Variants in MMP26 observed in about 807,000 individuals in gnomAD.
MMP26 encodes the protein matrix metallopeptidase 26, also known as matrix metalloproteinase-26.
A neutral mutation model predicts 31.0 loss-of-function variants in MMP26; 33 were observed. The ratio of observed to expected loss-of-function variants is 1.06; its 90% CI spans 0.81 to 1.42. The LOEUF is 1.42. MMP26 is among the 40% of genes most tolerant of loss of function. MMP26 has a pLI of 0.00. For synonymous variants in MMP26, 122 were observed against 114.9 expected (o/e 1.06, Z -0.40); for missense variants, 347 against 316.1 (o/e 1.10, Z -0.74).
intron 1 of MMP26, among the ~76,000 whole-genome samples, chr11:4,739,737 G>A (rs1181859686): frequency 1.3e-5 from 2 of 151,320 alleles, no homozygotes; most frequent in African/African-American, 4.9e-5. Context: ...TACTATTGCT[G>A]TCCAGTCTCA....
intron 1 of MMP26, among the ~76,000 whole-genome samples, chr11:4,732,869 G>T (rs1848191560): frequency 6.6e-6 from 1 of 152,110 alleles, no homozygotes. Context: ...TTTTTTAGTT[G>T]GTGGAAATTT....
intron 1 of MMP26, among the ~76,000 whole-genome samples, chr11:4,737,253 T>C (rs757184953): frequency 2.6e-5 from 4 of 152,244 alleles, no homozygotes; most frequent in Non-Finnish European, 5.9e-5. Context: ...TCCTTTCTAC[T>C]TCCCAGTTTT....
intron 2 of MMP26, among the ~76,000 whole-genome samples, chr11:4,778,590 C>T (rs1848819091): frequency 6.6e-6 from 1 of 151,952 alleles, no homozygotes; most frequent in Admixed American, 6.6e-5. Context: ...TGCAGCAGTG[C>T]CTAGGCAATT....
intron 2 of MMP26, among the ~76,000 whole-genome samples, chr11:4,772,910 C>G (rs1848744798): frequency 6.6e-6 from 1 of 152,156 alleles, no homozygotes; most frequent in Non-Finnish European, 1.5e-5. Context: ...CCTGTGCATT[C>G]CTGTTCAAGT....
chr11:4,800,756 A>C (rs1365106679), intron 2 of MMP26, among the ~76,000 whole-genome samples: 1 of 152,090 alleles, frequency 6.6e-6, no homozygotes, highest in Non-Finnish European at 1.5e-5. Flanking sequence ...TAAGTCATTT[A>C]TTTGCTCCTA....
chr11:4,708,680 A>T (rs191140582), intron 1 of MMP26, among the ~76,000 whole-genome samples: 1 of 152,354 alleles, frequency 6.6e-6, no homozygotes, highest in Admixed American at 6.5e-5. Context: ...TCAATCCTAC[A>T]GATTTATGGA....
intron 2 of MMP26, chr11:4,787,561 G>C (rs949641799): frequency 6.6e-6 from 1 of 152,294 alleles, no homozygotes; most frequent in South Asian, 2.1e-4. Context: ...TTTCCACAAG[G>C]CTTCACCAAT....
rs1848245144 is a variant in MMP26 at position 4,736,694 on chromosome 11, TGGTAGTATACCTCGGGG to T, written c.-216-30572_-216-30556del. Reference sequence around the variant, plus strand: ...TTGACGATCCTGGAATCAGTCAAGATGGTAGTATACCTCGGGGGGTTACAAATGGCAATGAAGCGATC... The same window carrying T: ...TTGACGATCCTGGAATCAGTCAAGATGGTTACAAATGGCAATGAAGCGATC... On this transcript the variant is annotated intron_variant, in intron 1 of 7. Transcript: ENST00000380390. 3 of 152,210 alleles carry T rather than the reference TGGTAGTATACCTCGGGG, an allele frequency of 2.0e-5. No individual in the cohort carries two copies. The South Asian group carries it at 6.2e-4, about 32-fold the overall frequency. The allele number at this position is 152,210 out of a possible 1,614,324, so 9.4% of individuals were successfully genotyped here.
chr11:4,881,823 C>T (rs1322767929), intron 2 of MMP26: 3 of 1,237,570 alleles, frequency 2.4e-6, no homozygotes, highest in South Asian at 1.3e-5. Context: ...TATAAAATGA[C>T]TAATAAAATG....
At chr11:4,865,721 GA>G (rs1448355325) in intron 2 of MMP26, among the ~76,000 whole-genome samples, 2 of 152,032 alleles carry the variant, frequency 1.3e-5, no homozygotes, top group Non-Finnish European at 2.9e-5. Context: ...TGTGCTGCCA[GA>G]CAATGCAGAC....
intron 1 of MMP26, among the ~76,000 whole-genome samples, chr11:4,764,760 C>T (rs542937078): frequency 6.6e-6 from 1 of 152,104 alleles, no homozygotes; most frequent in Non-Finnish European, 1.5e-5. Flanking sequence ...GTAGTCCCAG[C>T]TACTCGGGAG....
chr11:4,879,433 C>T (rs1023256711), intron 2 of MMP26, among the ~76,000 whole-genome samples: 1 of 152,000 alleles, frequency 6.6e-6, no homozygotes, highest in African/African-American at 2.4e-5. Flanking sequence ...TGAGTGGAAA[C>T]AGTTGACATT....
At chr11:4,907,350 G>T in intron 2 of MMP26, 2 of 1,515,612 alleles carry the variant, frequency 1.3e-6, no homozygotes, top group Non-Finnish European at 1.8e-6. Context: ...TCCGGCTAAC[G>T]AGCTCATATC....
At chr11:4,836,365 A>T (rs1320071161) in intron 2 of MMP26, among the ~76,000 whole-genome samples, 1 of 151,810 alleles carries the variant, frequency 6.6e-6, no homozygotes, top group Non-Finnish European at 1.5e-5. Context: ...AAGTGAACTA[A>T]GAGTGTTAGT....
At chr11:4,810,330 T>C (rs1849333732) in intron 2 of MMP26, among the ~76,000 whole-genome samples, 1 of 152,100 alleles carries the variant, frequency 6.6e-6, no homozygotes, top group Non-Finnish European at 1.5e-5. Context: ...GATGTGTGTA[T>C]CTGAGAGATA....
At chr11:4,878,545 G>A (rs1421295746) in intron 2 of MMP26, among the ~76,000 whole-genome samples, 1 of 152,034 alleles carries the variant, frequency 6.6e-6, no homozygotes, top group African/African-American at 2.4e-5. Flanking sequence ...TGTTCAGAGG[G>A]CTTTTCTGAC....
At chr11:4,814,900 A>G (rs1304634159) in intron 2 of MMP26, among the ~76,000 whole-genome samples, 1 of 152,212 alleles carries the variant, frequency 6.6e-6, no homozygotes, top group Non-Finnish European at 1.5e-5. Context: ...TGCCAAGGTT[A>G]AGAACGCACC....
chr11:4,808,766 T>TG (rs930627888), intron 2 of MMP26, among the ~76,000 whole-genome samples: 11 of 151,430 alleles, frequency 7.3e-5, no homozygotes, highest in Admixed American at 2.0e-4. Flanking sequence ...TTTTCTTTTT[T>TG]TTTTTTTGGT....
intron 2 of MMP26, among the ~76,000 whole-genome samples, chr11:4,926,130 C>G (rs571459252): frequency 6.6e-6 from 1 of 152,172 alleles, no homozygotes; most frequent in East Asian, 1.9e-4. Flanking sequence ...TAGCTTTTGC[C>G]ACTCACATTT....
Sources: gnomAD v4.1 joint callset for allele counts (sites outside exome capture counted in the v4.1 genomes callset) on GRCh38, gnomAD v4.1.1 for gene constraint, MANE v1.5 for transcripts, NCBI Gene and HGNC (gene_info 2026-07-23, HGNC 2026-07-21) for gene names.